The following CTNNA2 variants were observed in gnomAD, a reference collection of about 807,000 sequenced individuals.
The protein encoded by CTNNA2 is catenin alpha-2.
In CTNNA2, 42 loss-of-function variants were observed where a neutral mutation model predicts 101.0. The ratio of observed to expected loss-of-function variants is 0.42; its 90% CI spans 0.32 to 0.54. The LOEUF is 0.54. Ranked by LOEUF, CTNNA2 falls within the 20% of genes least tolerant of loss-of-function variation. The pLI, the probability that CTNNA2 is intolerant of heterozygous loss-of-function variation, is 0.14. For missense variants in CTNNA2, 871 were observed against 1,223.1 expected (o/e 0.71, Z 4.29); for synonymous variants, 450 against 456.4 (o/e 0.99, Z 0.18).
chr2:79,631,807 C>T (rs1178646938), intron 1 of CTNNA2, among the ~76,000 whole-genome samples: 1 of 152,120 alleles, frequency 6.6e-6, no homozygotes, highest in African/African-American at 2.4e-5. Context: ...GCTCCTTCAC[C>T]CCACTGCCTT....
At chr2:80,495,893 T>C (rs1687416329) in intron 9 of CTNNA2, among the ~76,000 whole-genome samples, 1 of 134,332 alleles carries the variant, frequency 7.4e-6, no homozygotes, top group Non-Finnish European at 1.5e-5. Flanking sequence ...TGAGCCGAGA[T>C]TATGCCACTG....
chr2:80,236,562 T>C (rs1709561322), intron 7 of CTNNA2, among the ~76,000 whole-genome samples: 1 of 152,184 alleles, frequency 6.6e-6, no homozygotes, highest in Non-Finnish European at 1.5e-5. Flanking sequence ...GGCAGCAGTC[T>C]GTCACAAGGG....
At chr2:79,776,431 A>AGCTACACTG (rs1673968431) in intron 3 of CTNNA2, among the ~76,000 whole-genome samples, 1 of 152,198 alleles carries the variant, frequency 6.6e-6, no homozygotes, top group Non-Finnish European at 1.5e-5. Context: ...TTCTTTAGAA[A>AGCTACACTG]GCTACACTGA....
intron 6 of CTNNA2, among the ~76,000 whole-genome samples, chr2:79,893,351 T>A (rs1434322436): frequency 6.6e-6 from 1 of 152,170 alleles, no homozygotes; most frequent in Non-Finnish European, 1.5e-5. Flanking sequence ...GGTTGACTTA[T>A]TTTTTTATGG....
At chr2:79,577,525 A>T (rs1675872866) in intron 1 of CTNNA2, among the ~76,000 whole-genome samples, 1 of 152,142 alleles carries the variant, frequency 6.6e-6, no homozygotes, top group African/African-American at 2.4e-5. Context: ...AGGCTTCAAA[A>T]ATTGCACAAA....
At chr2:79,632,084 T>C (rs779235651) in intron 1 of CTNNA2, among the ~76,000 whole-genome samples, 10 of 152,194 alleles carry the variant, frequency 6.6e-5, no homozygotes, top group Non-Finnish European at 1.5e-5. Context: ...ATGTGTATCT[T>C]TTGTCTTTCT....
intron 3 of CTNNA2, among the ~76,000 whole-genome samples, chr2:79,844,759 C>T (rs931053668): frequency 4.6e-5 from 7 of 152,106 alleles, no homozygotes; most frequent in African/African-American, 1.7e-4. Context: ...TGCAGGCTTG[C>T]TCAATATGAG....
chr2:80,637,516 G>A (rs935373557), intron 18 of CTNNA2, among the ~76,000 whole-genome samples: 2 of 152,012 alleles, frequency 1.3e-5, no homozygotes, highest in African/African-American at 4.8e-5. Flanking sequence ...GTGGGGAAGA[G>A]GTGATCACAG....
chr2:79,295,010 T>C (rs1675943796), intron 2 of CTNNA2, among the ~76,000 whole-genome samples: 1 of 144,938 alleles, frequency 6.9e-6, no homozygotes, highest in Non-Finnish European at 1.5e-5. Flanking sequence ...TGTGTGTGTG[T>C]GTGTATTTGT....
At chr2:79,847,660 C>A (rs1199857682) in intron 3 of CTNNA2, among the ~76,000 whole-genome samples, 1 of 144,468 alleles carries the variant, frequency 6.9e-6, no homozygotes, top group African/African-American at 2.5e-5. Context: ...GTTAAAATTT[C>A]ATCTGCATGA....
intron 18 of CTNNA2, among the ~76,000 whole-genome samples, chr2:80,636,682 T>A (rs3770373): frequency 0.023 from 3,544 of 152,226 alleles, 76 homozygotes; most frequent in South Asian, 0.085. Flanking sequence ...GAAGTGGTCG[T>A]ATAAAATATT....
At chr2:79,701,835 C>T (rs1685021430) in intron 2 of CTNNA2, among the ~76,000 whole-genome samples, 1 of 151,896 alleles carries the variant, frequency 6.6e-6, no homozygotes, top group African/African-American at 2.4e-5. Context: ...AACCCTGTCT[C>T]TACTAAAAAT....
At chr2:80,019,636 T>G (rs1402057627) in intron 7 of CTNNA2, among the ~76,000 whole-genome samples, 2 of 152,240 alleles carry the variant, frequency 1.3e-5, no homozygotes, top group Non-Finnish European at 2.9e-5. Flanking sequence ...TTACTTTTAT[T>G]TGTGACTGAC....
chr2:80,041,067 A>C (rs1341029375), intron 7 of CTNNA2, among the ~76,000 whole-genome samples: 8 of 152,064 alleles, frequency 5.3e-5, no homozygotes, highest in Non-Finnish European at 1.2e-4. Flanking sequence ...ATATTTTATA[A>C]AATGAAAAAA....
chr2:80,197,113 G>A (rs563754654), intron 7 of CTNNA2, among the ~76,000 whole-genome samples: 1 of 152,104 alleles, frequency 6.6e-6, no homozygotes, highest in Non-Finnish European at 1.5e-5. Flanking sequence ...GGTACACTCT[G>A]TTATTTTCCC....
intron 7 of CTNNA2, among the ~76,000 whole-genome samples, chr2:80,365,187 G>T (rs1277070847): frequency 1.3e-5 from 2 of 151,988 alleles, no homozygotes; most frequent in African/African-American, 4.8e-5. Context: ...ACATCAAATC[G>T]TTCAAAGAAA....
At chr2:79,841,696 A>G (rs1679831025) in intron 3 of CTNNA2, among the ~76,000 whole-genome samples, 1 of 152,220 alleles carries the variant, frequency 6.6e-6, no homozygotes, top group Admixed American at 6.5e-5. Context: ...TGCGCAATCA[A>G]CGATCCTTTA....
chr2:79,960,395 A>G (rs901259573), intron 7 of CTNNA2, among the ~76,000 whole-genome samples: 1 of 152,228 alleles, frequency 6.6e-6, no homozygotes, highest in Non-Finnish European at 1.5e-5. Context: ...ATAAGTTGCT[A>G]CCTTCATTTG....
At chr2:79,852,900 C>A (rs1401254558) in intron 3 of CTNNA2, among the ~76,000 whole-genome samples, 1 of 151,622 alleles carries the variant, frequency 6.6e-6, no homozygotes, top group Non-Finnish European at 1.5e-5. Flanking sequence ...GCAGTTTAAC[C>A]CTCGTTTCCC....
Sources: allele counts gnomAD v4.1 joint callset (sites outside exome capture counted in the v4.1 genomes callset), GRCh38; gene constraint gnomAD v4.1.1; transcripts MANE v1.5; gene names NCBI Gene and HGNC (gene_info 2026-07-23, HGNC 2026-07-21).